CACHD1: variants seen among roughly 807,000 people sequenced by gnomAD.
CACHD1 encodes VWFA and cache domain-containing protein 1.
CACHD1 carries 71 observed loss-of-function variants against 138.7 expected under a neutral mutation model. The ratio of observed to expected loss-of-function variants is 0.51; its 90% CI spans 0.42 to 0.62. CACHD1 has a LOEUF of 0.62. CACHD1 is among the 20% of genes least tolerant of loss of function. The pLI is 0.00. For missense variants in CACHD1, 1,389 were observed against 1,625.3 expected (o/e 0.85, Z 2.50); for synonymous variants, 578 against 591.5 (o/e 0.98, Z 0.33).
chr1:64,631,812 G>A (rs185498101), intron 5 of CACHD1, among the ~76,000 whole-genome samples: 3 of 152,160 alleles, frequency 2.0e-5, no homozygotes, highest in Admixed American at 2.0e-4. Context: ...CAAGAAGAGT[G>A]GCTATCACAG....
chr1:64,581,132 T>C (rs1647009329), intron 2 of CACHD1, among the ~76,000 whole-genome samples: 1 of 152,216 alleles, frequency 6.6e-6, no homozygotes, highest in Non-Finnish European at 1.5e-5. Context: ...ACCTCAGTTA[T>C]TTAATTGAGA....
intron 8 of CACHD1, among the ~76,000 whole-genome samples, chr1:64,642,430 T>C (rs540454166): frequency 6.6e-6 from 1 of 152,192 alleles, no homozygotes; most frequent in Non-Finnish European, 1.5e-5. Context: ...CTCAGCTTCC[T>C]TAGCTGTAAA....
rs765213692 is a variant in CACHD1 at position 64,582,207 on chromosome 1, C to T, written c.313C>T (p.Arg105Trp). Reference sequence around the variant, plus strand: ...CAACCGTTACTTGGATGTGGTCAATCGGAACAAGCAAGTTGTAGAAGCATC... The same window carrying T: ...CAACCGTTACTTGGATGTGGTCAATTGGAACAAGCAAGTTGTAGAAGCATC... Reference protein sequence around the residue: ...KFNRYLDVVNRNKQVVEASYT... With the variant: ...KFNRYLDVVNWNKQVVEASYT... The change falls in exon 3 of 27, where the codon CGG (arginine) becomes TGG (tryptophan). Residue 105 changes from arginine to tryptophan, a missense_variant. By Grantham distance (101) the Arg-to-Trp change is moderately radical. Transcript: ENST00000651257. The T allele has an allele frequency of 1.2e-5, 19 of 1,613,862 alleles. No individual in the cohort carries two copies. The highest frequency in any genetic ancestry group is 1.4e-5 in the Non-Finnish European group (16 of 1,179,878).
chr1:64,578,666 C>T (rs945953718), intron 2 of CACHD1, among the ~76,000 whole-genome samples: 2 of 152,134 alleles, frequency 1.3e-5, no homozygotes, highest in Non-Finnish European at 2.9e-5. Context: ...TGGTTCATGC[C>T]ACAACTTGGG....
At chr1:64,498,238 A>C (rs1420794341) in intron 1 of CACHD1, among the ~76,000 whole-genome samples, 2 of 152,230 alleles carry the variant, frequency 1.3e-5, no homozygotes, top group African/African-American at 4.8e-5. Context: ...GGGGACTCAC[A>C]ACAGCATATA....
Position 64,657,193 on chromosome 1 carries a change from G to A in CACHD1, c.1783-1512G>A, listed in dbSNP as rs1297525973. ...ACAGGCCTGCTTCACTTCAAAACATGGATCCCATGTTATAATCAGTGAAAA... is the reference window on the plus strand; with the variant it reads ...ACAGGCCTGCTTCACTTCAAAACATAGATCCCATGTTATAATCAGTGAAAA... On this transcript the variant is annotated intron_variant, in intron 12 of 26. Transcript: ENST00000651257. Among the ~76,000 whole-genome samples the A allele has an allele frequency of 3.9e-5, 6 of 152,134 alleles. No homozygotes were observed. The South Asian group carries it at 1.2e-3, about 32-fold the overall frequency.
At chr1:64,517,279 A>C (rs1357978986) in intron 1 of CACHD1, among the ~76,000 whole-genome samples, 1 of 152,222 alleles carries the variant, frequency 6.6e-6, no homozygotes, top group Non-Finnish European at 1.5e-5. Context: ...CAAAACAGAC[A>C]AAAATCCATT....
intron 5 of CACHD1, among the ~76,000 whole-genome samples, chr1:64,631,539 C>T (rs1166701157): frequency 6.6e-6 from 1 of 152,180 alleles, no homozygotes; most frequent in African/African-American, 2.4e-5. Flanking sequence ...TTTTGTGATT[C>T]AGCTGGCATC....
intron 13 of CACHD1, among the ~76,000 whole-genome samples, chr1:64,662,186 T>C (rs1649466876): frequency 6.6e-6 from 1 of 152,228 alleles, no homozygotes; most frequent in South Asian, 2.1e-4. Context: ...AATTTTTTAC[T>C]CCCAGCCCCA....
intron 8 of CACHD1, among the ~76,000 whole-genome samples, chr1:64,644,334 A>G (rs1311478943): frequency 6.6e-6 from 1 of 152,262 alleles, no homozygotes; most frequent in Non-Finnish European, 1.5e-5. Flanking sequence ...TCAGAGCTGT[A>G]TTATACAAAG....
intron 4 of CACHD1, among the ~76,000 whole-genome samples, chr1:64,604,080 C>G (rs927772168): frequency 6.6e-6 from 1 of 152,160 alleles, no homozygotes; most frequent in Admixed American, 6.5e-5. Context: ...GGCAGAGGAC[C>G]AGAATATTTA....
At chr1:64,544,569 G>A (rs762172926) in intron 1 of CACHD1, among the ~76,000 whole-genome samples, 1 of 151,902 alleles carries the variant, frequency 6.6e-6, no homozygotes, top group African/African-American at 2.4e-5. Context: ...GTACAAGGTG[G>A]GGAAAGCAGG....
intron 26 of CACHD1, among the ~76,000 whole-genome samples, chr1:64,682,422 TAA>T (rs1470891775): frequency 2.0e-5 from 3 of 152,056 alleles, no homozygotes. Context: ...GCAGGATCTT[TAA>T]GGGCTTTTTC....
intron 3 of CACHD1, among the ~76,000 whole-genome samples, chr1:64,602,076 G>A (rs1647220488): frequency 6.6e-6 from 1 of 152,122 alleles, no homozygotes; most frequent in Non-Finnish European, 1.5e-5. Context: ...AATATTTATT[G>A]ATAAGCTACT....
At chr1:64,651,834 T>C (rs1413479407) in intron 9 of CACHD1, among the ~76,000 whole-genome samples, 1 of 152,154 alleles carries the variant, frequency 6.6e-6, no homozygotes, top group Non-Finnish European at 1.5e-5. Flanking sequence ...AATAGAAAAA[T>C]GTATTTAGTG....
At chr1:64,681,359 C>A (rs1353207394) in intron 25 of CACHD1, 24 bp downstream of exon 25, 3 of 1,556,312 alleles carry the variant, frequency 1.9e-6, no homozygotes, top group Non-Finnish European at 1.8e-6. Flanking sequence ...TGCCTTGCTG[C>A]AGAATGTGTC....
chr1:64,674,404 T>C (rs1178098701), intron 19 of CACHD1, among the ~76,000 whole-genome samples: 1 of 152,216 alleles, frequency 6.6e-6, no homozygotes, highest in African/African-American at 2.4e-5. Context: ...TTCTATTATT[T>C]ATGCAATGAT....
intron 1 of CACHD1, among the ~76,000 whole-genome samples, chr1:64,512,705 A>C (rs1646431081): frequency 6.6e-6 from 1 of 152,178 alleles, no homozygotes; most frequent in Non-Finnish European, 1.5e-5. Flanking sequence ...AGTCATTTGT[A>C]TTCTCTGCTC....
intron 4 of CACHD1, among the ~76,000 whole-genome samples, chr1:64,612,606 T>C (rs1239263812): frequency 6.6e-6 from 1 of 152,174 alleles, no homozygotes; most frequent in Non-Finnish European, 1.5e-5. Context: ...GAATTAATTC[T>C]CTCCCTCTTT....
Sources: allele counts gnomAD v4.1 joint callset (sites outside exome capture counted in the v4.1 genomes callset), GRCh38; gene constraint gnomAD v4.1.1; transcripts MANE v1.5; gene names NCBI Gene and HGNC (gene_info 2026-07-23, HGNC 2026-07-21).